SVEP1: variants seen among roughly 807,000 people sequenced by gnomAD.
SVEP1 encodes sushi, von Willebrand factor type A, EGF and pentraxin domain-containing protein 1.
Under a neutral mutation model 367.3 loss-of-function variants are expected in SVEP1, and 164 were observed. That is an observed-to-expected ratio of 0.45 (90% CI 0.39 to 0.51). The LOEUF is 0.51. Ranked by LOEUF, SVEP1 falls within the 20% of genes least tolerant of loss-of-function variation. The probability of loss-of-function intolerance (pLI) is 0.00; values close to 1 mark genes in which losing one functional copy is unlikely to be tolerated. For synonymous variants in SVEP1, 1,666 were observed against 1,611.6 expected (o/e 1.03, Z -0.81); for missense variants, 4,117 against 4,425.3 (o/e 0.93, Z 1.98).
intron 1 of SVEP1, among the ~76,000 whole-genome samples, chr9:110,566,049 T>G (rs935829277): frequency 2.6e-5 from 4 of 152,118 alleles, no homozygotes; most frequent in Non-Finnish European, 5.9e-5. Context: ...CCAGGTCCAG[T>G]GGCTGACACT....
intron 3 of SVEP1, among the ~76,000 whole-genome samples, chr9:110,519,612 CAA>C (rs1829852705): frequency 6.6e-6 from 1 of 152,300 alleles, no homozygotes; most frequent in South Asian, 2.1e-4. Context: ...CCTGTATATT[CAA>C]AGAGTCTTCC....
In SVEP1 at chr9:110,491,590, G is replaced by GGTGTGTGTGTGTGT. The variant is rs55905097; in HGVS notation, c.1801-1825_1801-1812dup. 7.8e-3 allele frequency among the ~76,000 whole-genome samples: 1,158 copies of GGTGTGTGTGTGTGT among 147,824 alleles called. 9 individuals carry two copies. The highest frequency in any genetic ancestry group is 0.023 in the African/African-American group (920 of 40,040). On this transcript the variant is annotated intron_variant, in intron 8 of 47. Transcript: ENST00000374469. ...TAGCATTACATATTTTATAGAATGG[G>GGTGTGTGTGTGTGT]GTGTGTGTGTGTGTGTGTGTGTGTG...
At chr9:110,379,230 A>G in intron 44 of SVEP1, 117 bp downstream of exon 44, 1 of 1,183,630 alleles carries the variant, frequency 8.4e-7, no homozygotes, top group Non-Finnish European at 1.2e-6. Flanking sequence ...TGCTAAAAGA[A>G]ATTTTAAAGC....
At chr9:110,450,754 C>A (rs74665126) in intron 23 of SVEP1, among the ~76,000 whole-genome samples, 1 of 151,938 alleles carries the variant, frequency 6.6e-6, no homozygotes, top group Admixed American at 6.6e-5. Context: ...GGATTACAGG[C>A]GTGAACCACC....
At chr9:110,406,065 ATGT>A in intron 38 of SVEP1, 92 bp downstream of exon 38, 1 of 1,469,120 alleles carries the variant, frequency 6.8e-7, no homozygotes, top group Admixed American at 2.4e-5. Context: ...TTCAGAGATG[ATGT>A]TTTCTTCCCA....
At chr9:110,424,961 A>G (rs1258063573) in intron 36 of SVEP1, among the ~76,000 whole-genome samples, 1 of 152,210 alleles carries the variant, frequency 6.6e-6, no homozygotes, top group Non-Finnish European at 1.5e-5. Context: ...GGCGTGAGCC[A>G]CCACGTCCAG....
intron 46 of SVEP1, among the ~76,000 whole-genome samples, chr9:110,372,528 AATCAG>A (rs930891926): frequency 5.9e-5 from 9 of 152,344 alleles, no homozygotes; most frequent in African/African-American, 1.9e-4. Context: ...AATGCAAATA[AATCAG>A]ATCTATTTAT....
At chr9:110,488,556 T>C (rs1829320531) in intron 9 of SVEP1, among the ~76,000 whole-genome samples, 1 of 151,962 alleles carries the variant, frequency 6.6e-6, no homozygotes, top group African/African-American at 2.4e-5. Flanking sequence ...TGGTAACAAG[T>C]GTGTGGTTAA....
At chr9:110,379,546 T>A in intron 43 of SVEP1, 29 bp from the exon 44 acceptor site, 4 of 1,610,938 alleles carry the variant, frequency 2.5e-6, no homozygotes, top group Non-Finnish European at 3.4e-6. Flanking sequence ...ACAATTAAGC[T>A]TGTGCTATTA....
At position 110,407,353 on chromosome 9, in the gene SVEP1, T is replaced by C. The variant is rs1249000321; in HGVS notation, c.8247A>G (p.Leu2749=). The change falls in exon 38 of 48, where the codon CTA becomes CTG. Residue 2749 remains leucine (L), a synonymous_variant. Transcript: ENST00000374469. ...VQYSCKPGHI[L]AGSDLRLCLE... ...GACAAAGCCTTAAGTCAGAGCCTGCTAGAATGTGTCCAGGTTTACAGCTAT... is the reference window on the plus strand; with the variant it reads ...GACAAAGCCTTAAGTCAGAGCCTGCCAGAATGTGTCCAGGTTTACAGCTAT... 6.2e-7 allele frequency: 1 copy of C among 1,613,962 alleles called. No homozygotes were observed. The highest frequency in any genetic ancestry group is 1.1e-5 in the South Asian group (1 of 91,086).
chr9:110,449,136 G>C (rs1427432695), intron 24 of SVEP1, among the ~76,000 whole-genome samples: 1 of 152,156 alleles, frequency 6.6e-6, no homozygotes, highest in Non-Finnish European at 1.5e-5. Context: ...TGCAAAGAGT[G>C]GGGGATGGAA....
chr9:110,528,214 A>G (rs1829971198), intron 3 of SVEP1, among the ~76,000 whole-genome samples: 1 of 136,028 alleles, frequency 7.4e-6, no homozygotes, highest in Non-Finnish European at 1.6e-5. Context: ...CCACTCATCA[A>G]TTGATGGGCA....
In SVEP1 at chr9:110,434,337, T is replaced by C; in HGVS notation, c.5058A>G (p.Glu1686=). The change falls in exon 30 of 48, where the codon GAA becomes GAG. Residue 1686 remains glutamate (E), a splice_region_variant and synonymous_variant. Coordinates refer to ENST00000374469, the MANE Select transcript of SVEP1 (RefSeq NM_153366.4). ...ATGGCTTCAAGAAAGGCAGCTCACG[T>C]TCACAGTGAGGAAGTGGTTGTGTCC... is the stretch of plus-strand genomic sequence containing the variant. ...GQWTQPLPHC[E]RISCGVPPPL... is the part of the protein sequence containing the mutation. 1 of 1,594,720 alleles carries C rather than the reference T, an allele frequency of 6.3e-7. No homozygotes were observed. Among genetic ancestry groups the C allele is most frequent in the African/African-American group, 1.3e-5 (1 of 74,678 alleles).
intron 5 of SVEP1, among the ~76,000 whole-genome samples, chr9:110,505,566 G>A (rs1252207990): frequency 6.6e-6 from 1 of 152,144 alleles, no homozygotes; most frequent in Non-Finnish European, 1.5e-5. Flanking sequence ...GTGAGGAGGT[G>A]TCTCTGTTGC....
At chr9:110,479,139 C>T (rs146282395) in intron 13 of SVEP1, among the ~76,000 whole-genome samples, 4,259 of 152,000 alleles carry the variant, frequency 0.028, 185 homozygotes, top group African/African-American at 0.097. Flanking sequence ...AGGCTGGTCT[C>T]GAACTCCTGA....
At chr9:110,394,816 G>T (rs61545195) in intron 40 of SVEP1, among the ~76,000 whole-genome samples, 6,095 of 152,194 alleles carry the variant, frequency 0.04, 409 homozygotes, top group African/African-American at 0.14. Context: ...AGAATAAAAA[G>T]AAATGAACAA....
chr9:110,529,977 A>G (rs781485283), intron 3 of SVEP1, among the ~76,000 whole-genome samples: 1 of 151,384 alleles, frequency 6.6e-6, no homozygotes, highest in Non-Finnish European at 1.5e-5. Context: ...CCCACTTAGT[A>G]TGTTGGCTGT....
intron 22 of SVEP1, 69 bp from the exon 23 acceptor site, chr9:110,451,471 C>T (rs953029852): frequency 5.5e-5 from 63 of 1,138,624 alleles, no homozygotes; most frequent in Non-Finnish European, 7.8e-5. Context: ...AGTTTCCAAG[C>T]AAGTTGTTCA....
chr9:110,461,750 T>G (rs1372779754), intron 18 of SVEP1, among the ~76,000 whole-genome samples: 1 of 152,190 alleles, frequency 6.6e-6, no homozygotes, highest in East Asian at 1.9e-4. Context: ...GCAGAAAATA[T>G]CATAGATTTT....
Sources: allele counts gnomAD v4.1 joint callset (sites outside exome capture counted in the v4.1 genomes callset), GRCh38; gene constraint gnomAD v4.1.1; transcripts MANE v1.5; gene names NCBI Gene and HGNC (gene_info 2026-07-23, HGNC 2026-07-21).